RALGDS: variants seen among roughly 807,000 people sequenced by gnomAD.
RALGDS encodes ral guanine nucleotide dissociation stimulator.
A neutral mutation model predicts 99.8 loss-of-function variants in RALGDS; 44 were observed. That is an observed-to-expected ratio of 0.44 (90% confidence interval 0.35 to 0.57). The LOEUF (loss-of-function observed/expected upper bound fraction) is 0.57, where lower values mean the gene tolerates loss of function less well. RALGDS is among the 20% of genes least tolerant of loss of function. The probability of loss-of-function intolerance (pLI) is 0.01; values close to 1 mark genes in which losing one functional copy is unlikely to be tolerated. For synonymous variants in RALGDS, 529 were observed against 505.0 expected (o/e 1.05, Z -0.64); for missense variants, 1,022 against 1,203.1 (o/e 0.85, Z 2.23).
Position 133,104,798 on chromosome 9 carries a change from C to T in RALGDS, c.1603-467G>A, listed in dbSNP as rs141799652. On this transcript the variant is annotated intron_variant, in intron 9 of 17. Coordinates refer to ENST00000372050, the MANE Select transcript of RALGDS (RefSeq NM_006266.4). ...TTGCACTCCAGCCTGGGAGACAGAG[C>T]GAGACTCCTTCTCTAAACAAATAAA... Among the ~76,000 whole-genome samples the T allele has an allele frequency of 3.2e-3, 493 of 152,212 alleles. 1 individual carries two copies. The highest frequency in any genetic ancestry group is 3.6e-3 in the Non-Finnish European group (247 of 67,998).
At chr9:133,131,156 G>A, upstream of RALGDS, 1 of 1,421,760 alleles carries the variant, frequency 7.0e-7, no homozygotes, top group African/African-American at 1.5e-5. Context: ...GCTCCTCTGA[G>A]CATCTCACAT....
chr9:133,101,669 C>T lies in RALGDS; in HGVS notation c.2305G>A (p.Val769Met), dbSNP rs140188278. Residue 769 changes from valine (V) to methionine (M), a missense_variant, in exon 16 of 18, where the codon GTG becomes ATG. Transcript: ENST00000372050. ...CGCTTGTGGGTGCGTGTGGCAGCCACGGGCGTGGTGGAGGCTGAGGAGGAC... is the reference window on the plus strand; with the variant it reads ...CGCTTGTGGGTGCGTGTGGCAGCCATGGGCGTGGTGGAGGCTGAGGAGGAC... Reference protein sequence around the residue: ...TSSSSASTTPVAATRTHKRSV... With the variant: ...TSSSSASTTPMAATRTHKRSV... 3.7e-5 allele frequency: 60 copies of T among 1,613,738 alleles called. No homozygotes were observed. The highest frequency in any genetic ancestry group is 1.6e-4 in the Middle Eastern group (1 of 6,084).
At chr9:133,146,602 T>A (rs1588576372) in intron 1 of RALGDS, among the ~76,000 whole-genome samples, 1 of 152,164 alleles carries the variant, frequency 6.6e-6, no homozygotes, top group African/African-American at 2.4e-5. Context: ...TGCTGAGTGA[T>A]CCCCTTCCTC....
At chr9:133,128,794 G>A (rs1056277062) in intron 1 of RALGDS, among the ~76,000 whole-genome samples, 2 of 152,214 alleles carry the variant, frequency 1.3e-5, no homozygotes, top group Non-Finnish European at 2.9e-5. Flanking sequence ...CTTCTCAGGG[G>A]AGCAGACAGT....
rs1830575702 is a variant in RALGDS at position 133,097,858 on chromosome 9, A to ACCCCCG, written c.*728_*729insCGGGGG. 5.5e-6 allele frequency: 1 copy of ACCCCCG among 182,484 alleles called. No homozygotes were observed. The highest frequency in any genetic ancestry group is 2.9e-5 in the African/African-American group (1 of 34,392). The allele number at this position is 182,484 out of a possible 1,614,324, so 11.3% of individuals were successfully genotyped here. A position where few individuals can be genotyped will look rare whatever the true frequency, so the allele number is the denominator to read the frequency against. Reference sequence around the variant, plus strand: ...TTTTATACAAATATTCAATCACCCCACCCCCACCCCAAATCCTCCTTCCTC... The same window carrying ACCCCCG: ...TTTTATACAAATATTCAATCACCCCACCCCCGCCCCCACCCCAAATCCTCCTTCCTC... On this transcript the variant is annotated 3_prime_UTR_variant, in exon 18 of 18. Coordinates refer to ENST00000372050, the MANE Select transcript of RALGDS (RefSeq NM_006266.4).
intron 10 of RALGDS, 116 bp downstream of exon 10, chr9:133,104,147 G>C: frequency 9.1e-7 from 1 of 1,103,980 alleles, no homozygotes; most frequent in Non-Finnish European, 1.3e-6. Context: ...CTCTGCTAGG[G>C]TCCAGAGGAG....
intron 16 of RALGDS, 53 bp downstream of exon 16, chr9:133,101,467 G>C: frequency 6.2e-7 from 1 of 1,607,040 alleles, no homozygotes; most frequent in South Asian, 1.1e-5. Flanking sequence ...CTGTGTTCAG[G>C]GTGCATTTGC....
intron 1 of RALGDS, among the ~76,000 whole-genome samples, chr9:133,145,564 A>C (rs1394655917): frequency 6.6e-6 from 1 of 152,204 alleles, no homozygotes; most frequent in South Asian, 2.1e-4. Flanking sequence ...GAGTGATGGC[A>C]GATGTGTGAG....
Position 133,127,263 on chromosome 9 carries a change from A to G in RALGDS, c.132+3689T>C, listed in dbSNP as rs550834459. Reference sequence around the variant, plus strand: ...TGCAGTTCTGGGGGCTGCCGGACACACAGCAGTTCAGAGCGGGAACTGGGC... The same window carrying G: ...TGCAGTTCTGGGGGCTGCCGGACACGCAGCAGTTCAGAGCGGGAACTGGGC... On this transcript the variant is annotated intron_variant, in intron 1 of 17. Coordinates refer to the RALGDS transcript ENST00000372062. 2.1e-3 allele frequency among the ~76,000 whole-genome samples: 325 copies of G among 152,358 alleles called. 2 individuals carry two copies. Among genetic ancestry groups the G allele is most frequent in the African/African-American group, 7.5e-3 (311 of 41,580 alleles).
intron 11 of RALGDS, 30 bp downstream of exon 11, chr9:133,103,717 C>T (rs1177402248): frequency 6.2e-7 from 1 of 1,609,094 alleles, no homozygotes; most frequent in African/African-American, 1.3e-5. Context: ...TCCTCCCGGG[C>T]CCTACTCCAG....
rs1832589813 is a variant in RALGDS at position 133,144,431 on chromosome 9, G to A, written c.18+4532C>T. ...CGCAAAGTCGCCACCCAGTCACCCC[G>A]CCTCGGCCCCGCCTGGTTTGATTTC... On this transcript the variant is annotated intron_variant, in intron 1 of 17. Coordinates refer to the RALGDS transcript ENST00000393160. This position sits in a 1 kb window ranked among gnomAD's most constrained non-coding sequence, Gnocchi z 4.5. 6.6e-6 allele frequency among the ~76,000 whole-genome samples: 1 copy of A among 152,068 alleles called. No homozygotes were observed. The highest frequency in any genetic ancestry group is 2.4e-5 in the African/African-American group (1 of 41,410).
In RALGDS at chr9:133,129,162, G is replaced by T. The variant is rs763846173; in HGVS notation, c.132+1790C>A. The stretch of plus-strand genomic sequence containing the variant: ...ACCTCGGTGGTGGCCGGTGCTGGCA[G>T]AGGTGCCAGCCAAGGTGTCGGGCTT... On this transcript the variant is annotated intron_variant, in intron 1 of 17. Transcript: ENST00000372062. The T allele has an allele frequency of 4.4e-6, 7 of 1,596,108 alleles. No homozygotes were observed. In the Admixed American group the frequency reaches 1.2e-4, roughly 27 times the overall value.
In RALGDS at chr9:133,108,409, G is replaced by A; in HGVS notation, c.779-3C>T. ...TAGAGCTGGCACTGGTGACAGAGCTGCAAGAGGAGAAAAGTTCAACAACAT... is the reference window on the plus strand; with the variant it reads ...TAGAGCTGGCACTGGTGACAGAGCTACAAGAGGAGAAAAGTTCAACAACAT... On this transcript the variant is annotated splice_region_variant and splice_polypyrimidine_tract_variant and intron_variant, in intron 5 of 17. Coordinates refer to ENST00000372050, the MANE Select transcript of RALGDS (RefSeq NM_006266.4). 1 of 1,535,752 alleles carries A rather than the reference G, an allele frequency of 6.5e-7. No homozygotes were observed. Among genetic ancestry groups the A allele is most frequent in the Non-Finnish European group, 8.7e-7 (1 of 1,146,372 alleles).
intron 1 of RALGDS, among the ~76,000 whole-genome samples, chr9:133,136,893 C>T (rs1367206337): frequency 3.3e-5 from 5 of 151,974 alleles, no homozygotes; most frequent in African/African-American, 1.2e-4. Context: ...GCTGAGATAG[C>T]ACCACTGCAT....
At chr9:133,117,898 C>G (rs1407929374) in intron 1 of RALGDS, among the ~76,000 whole-genome samples, 1 of 152,246 alleles carries the variant, frequency 6.6e-6, no homozygotes, top group Admixed American at 6.5e-5. Flanking sequence ...TCTCCCCACT[C>G]TTTTCTCATT....
chr9:133,102,806 G>A lies in RALGDS; in HGVS notation c.1886C>T (p.Ala629Val), dbSNP rs1451619176. The change falls in exon 13 of 18, where the codon GCC becomes GTC. Residue 629 changes from alanine to valine, a missense_variant. Physicochemically the swap from Ala to Val is moderately conservative, Grantham distance 64. Coordinates refer to ENST00000372050, the MANE Select transcript of RALGDS (RefSeq NM_006266.4). ...CTCAGTCTCGCTGAGCCGCTCCACG[G>A]CCCGGAACCAGGCCCCAAATTGCTC... ...PDEQFGAWFRAVERLSETESY... is the reference protein window; with the variant it reads ...PDEQFGAWFRVVERLSETESY... 1 of 1,613,186 alleles carries A rather than the reference G, an allele frequency of 6.2e-7. No individual in the cohort carries two copies.
chr9:133,122,481 C>T (rs1351336170), upstream of RALGDS, among the ~76,000 whole-genome samples: 1 of 152,186 alleles, frequency 6.6e-6, no homozygotes, highest in Non-Finnish European at 1.5e-5. Context: ...CATCTTGCCC[C>T]CTTCCCAAGT....
At chr9:133,115,339 A>G (rs757483971) in intron 1 of RALGDS, among the ~76,000 whole-genome samples, 2 of 152,144 alleles carry the variant, frequency 1.3e-5, no homozygotes, top group Non-Finnish European at 2.9e-5. Flanking sequence ...AGAGGGCTCT[A>G]GCCTGCACCT....
intron 2 of RALGDS, among the ~76,000 whole-genome samples, chr9:133,110,973 T>C (rs1831309616): frequency 6.6e-6 from 1 of 152,034 alleles, no homozygotes; most frequent in Non-Finnish European, 1.5e-5. Context: ...GGAACTGAGG[T>C]GAGAAGATCG....
Sources: allele counts gnomAD v4.1 joint callset (sites outside exome capture counted in the v4.1 genomes callset), GRCh38; gene constraint gnomAD v4.1.1; non-coding constraint Gnocchi (gnomAD v3.1); transcripts MANE v1.5; gene names NCBI Gene and HGNC (gene_info 2026-07-23, HGNC 2026-07-21).